PDGFD: variants seen among roughly 807,000 people sequenced by gnomAD.
PDGFD encodes the protein platelet-derived growth factor D.
A neutral mutation model predicts 44.7 loss-of-function variants in PDGFD; 30 were observed. The observed-to-expected ratio is 0.67, with a 90% CI of 0.50 to 0.91. The LOEUF is 0.91. PDGFD is among the 40% of genes least tolerant of loss of function. The pLI is 0.00. For missense variants in PDGFD, 445 were observed against 457.8 expected (o/e 0.97, Z 0.25); for synonymous variants, 173 against 168.4 (o/e 1.03, Z -0.21).
intron 3 of PDGFD, among the ~76,000 whole-genome samples, chr11:103,957,589 C>G (rs1049866659): frequency 6.6e-6 from 1 of 152,092 alleles, no homozygotes; most frequent in Non-Finnish European, 1.5e-5. Flanking sequence ...TGATCTTTGA[C>G]AAACCTGAGA....
At chr11:103,913,511 G>A (rs1858065367) in intron 6 of PDGFD, among the ~76,000 whole-genome samples, 1 of 152,156 alleles carries the variant, frequency 6.6e-6, no homozygotes, top group African/African-American at 2.4e-5. Context: ...AGTGTGTAGA[G>A]GGAAATTTAT....
chr11:103,919,012 C>A (rs1041433552), intron 6 of PDGFD, among the ~76,000 whole-genome samples: 2 of 152,130 alleles, frequency 1.3e-5, no homozygotes, highest in African/African-American at 4.8e-5. Flanking sequence ...AGCTATGATT[C>A]ACAGCTGGAA....
intron 1 of PDGFD, among the ~76,000 whole-genome samples, chr11:104,114,755 G>A (rs1020775088): frequency 6.6e-6 from 1 of 151,770 alleles, no homozygotes; most frequent in Non-Finnish European, 1.5e-5. Context: ...CATTTATTAA[G>A]TTCTTTGATT....
intron 3 of PDGFD, among the ~76,000 whole-genome samples, chr11:103,961,197 G>A (rs908399781): frequency 2.0e-5 from 3 of 152,158 alleles, no homozygotes; most frequent in Admixed American, 6.6e-5. Flanking sequence ...GTGTTGCAAT[G>A]GAAGAATGAC....
intron 1 of PDGFD, among the ~76,000 whole-genome samples, chr11:104,058,247 G>A (rs895084993): frequency 5.9e-5 from 9 of 152,136 alleles, no homozygotes; most frequent in African/African-American, 1.7e-4. Context: ...TGCAAAACAC[G>A]TACATGATAA....
intron 1 of PDGFD, 65 bp downstream of exon 1, chr11:104,163,739 G>T (rs912937098): frequency 2.8e-6 from 4 of 1,445,930 alleles, no homozygotes; most frequent in Non-Finnish European, 3.7e-6. Context: ...GAAAAACATA[G>T]AAAGAACAAT....
At chr11:103,994,906 G>C (rs1287720851) in intron 3 of PDGFD, among the ~76,000 whole-genome samples, 1 of 148,334 alleles carries the variant, frequency 6.7e-6, no homozygotes, top group Non-Finnish European at 1.5e-5. Flanking sequence ...TTGAGACAGG[G>C]TCTTGCTTTG....
intron 1 of PDGFD, among the ~76,000 whole-genome samples, chr11:104,070,426 T>C (rs746538982): frequency 1.8e-4 from 27 of 152,152 alleles, no homozygotes; most frequent in Non-Finnish European, 3.4e-4. Flanking sequence ...GAAACCCACC[T>C]CCTGTTATTC....
chr11:104,116,208 T>G (rs1278016229), intron 1 of PDGFD, among the ~76,000 whole-genome samples: 1 of 152,094 alleles, frequency 6.6e-6, no homozygotes, highest in Middle Eastern at 3.2e-3. Context: ...TATTTTTGTA[T>G]AAAGTGAGAG....
At chr11:104,011,741 T>C (rs1341006633) in intron 1 of PDGFD, among the ~76,000 whole-genome samples, 1 of 152,078 alleles carries the variant, frequency 6.6e-6, no homozygotes. Context: ...GGTTGTACTA[T>C]GATGCAGTAT....
chr11:103,966,400 A>G (rs1229868419), intron 3 of PDGFD, among the ~76,000 whole-genome samples: 1 of 152,216 alleles, frequency 6.6e-6, no homozygotes, highest in Non-Finnish European at 1.5e-5. Flanking sequence ...TCATCAAGAT[A>G]AATAAAAGAA....
chr11:103,965,540 CTATGTTAACAGGA>C (rs1276673780), intron 3 of PDGFD, among the ~76,000 whole-genome samples: 3 of 152,118 alleles, frequency 2.0e-5, no homozygotes, highest in Non-Finnish European at 4.4e-5. Flanking sequence ...GTGTGCACTG[CTATGTTAACAGGA>C]TATGTATGGG....
chr11:103,950,892 A>G (rs1858746630), intron 3 of PDGFD, among the ~76,000 whole-genome samples: 1 of 152,232 alleles, frequency 6.6e-6, no homozygotes, highest in African/African-American at 2.4e-5. Flanking sequence ...ATCTATCCTT[A>G]GTAAATTCTG....
At chr11:103,914,636 C>T (rs2408811) in intron 6 of PDGFD, among the ~76,000 whole-genome samples, 69,536 of 151,842 alleles carry the variant, frequency 0.46, 16,035 homozygotes, top group South Asian at 0.49. Context: ...CTAGCAGTGA[C>T]ACAACAAAAA....
At chr11:104,038,300 G>C in intron 1 of PDGFD, 1 of 370,460 alleles carries the variant, frequency 2.7e-6, no homozygotes, top group South Asian at 5.3e-5. Flanking sequence ...TCTTCCTTTA[G>C]AGACACTATC....
At chr11:104,095,321 C>G (rs972091997) in intron 1 of PDGFD, among the ~76,000 whole-genome samples, 7 of 151,940 alleles carry the variant, frequency 4.6e-5, no homozygotes, top group African/African-American at 1.7e-4. Flanking sequence ...GCACTTAGCA[C>G]AGTGCACACA....
At chr11:104,056,422 G>C (rs1200123879) in intron 1 of PDGFD, among the ~76,000 whole-genome samples, 1 of 152,120 alleles carries the variant, frequency 6.6e-6, no homozygotes, top group Non-Finnish European at 1.5e-5. Flanking sequence ...TTAAATCTTA[G>C]GATGAGATAA....
intron 3 of PDGFD, among the ~76,000 whole-genome samples, chr11:103,979,412 C>A (rs10895553): frequency 0.17 from 25,887 of 151,970 alleles, 2,299 homozygotes; most frequent in South Asian, 0.24. Context: ...TCTCTCTTCT[C>A]CCATCCTACA....
chr11:104,102,315 A>G (rs994980682), intron 1 of PDGFD, among the ~76,000 whole-genome samples: 1 of 152,224 alleles, frequency 6.6e-6, no homozygotes, highest in African/African-American at 2.4e-5. Flanking sequence ...CAGCCAAAAA[A>G]CACATGAAAA....
Sources: allele counts gnomAD v4.1 joint callset (sites outside exome capture counted in the v4.1 genomes callset), GRCh38; gene constraint gnomAD v4.1.1; transcripts MANE v1.5; gene names NCBI Gene and HGNC (gene_info 2026-07-23, HGNC 2026-07-21).